The following SMCHD1 variants were observed in gnomAD, a reference collection of about 807,000 sequenced individuals.
The protein encoded by SMCHD1 is structural maintenance of chromosomes flexible hinge domain-containing protein 1.
SMCHD1 carries 78 observed loss-of-function variants against 254.7 expected under a neutral mutation model. The observed-to-expected ratio is 0.31, with a 90% confidence interval of 0.26 to 0.37. SMCHD1 has a LOEUF of 0.37. SMCHD1 is among the 10% of genes least tolerant of loss of function. The pLI is 1.00. For synonymous variants in SMCHD1, 766 were observed against 794.9 expected, an observed-to-expected ratio of 0.96 and a Z score of 0.61; for missense variants, 1,840 against 2,408.1, an observed-to-expected ratio of 0.76 and a Z score of 4.94.
intron 34 of SMCHD1, among the ~76,000 whole-genome samples, chr18:2,759,857 A>AC (rs1219276681): frequency 1.3e-5 from 2 of 152,148 alleles, no homozygotes; most frequent in African/African-American, 4.8e-5. Context: ...GGCATGAGCC[A>AC]CTGCGCCCAG....
chr18:2,802,579 GTCTCAGTAAGAATGCCCTGC>G lies in SMCHD1; in HGVS notation c.*29_*48del. On this transcript the variant is annotated 3_prime_UTR_variant, in exon 48 of 48. Transcript: ENST00000320876. ...AGGTGACAGAGAGAAGAGGCCATTGGTCTCAGTAAGAATGCCCTGCTTTCTGCATCTCTGTTTCAGAAGAC... is the reference window on the plus strand; with the variant it reads ...AGGTGACAGAGAGAAGAGGCCATTGGTTTCTGCATCTCTGTTTCAGAAGAC... 1 of 1,545,248 alleles carries G rather than the reference GTCTCAGTAAGAATGCCCTGC, an allele frequency of 6.5e-7. No individual in the cohort carries two copies. The highest frequency in any genetic ancestry group is 2.0e-5 in the Admixed American group (1 of 50,282).
rs778913600 is a variant in SMCHD1, at chr18:2,666,240, AAC to A, written c.262+10_262+11del. On this transcript the variant is annotated intron_variant, in intron 2 of 47. Coordinates refer to ENST00000320876, the MANE Select transcript of SMCHD1 (RefSeq NM_015295.3). ...TTACCTGTGATAATTTTGGTAGGTA[AAC>A]AGTGTTACTAAGTTGATGCTTTTAT... 7 of 1,376,660 alleles carry A rather than the reference AAC, an allele frequency of 5.1e-6. No individual in the cohort carries two copies. The South Asian group carries it at 8.7e-5, about 17-fold the overall frequency. The allele number at this position is 1,376,660 out of a possible 1,614,324, so 85.3% of individuals were successfully genotyped here. A position where few individuals can be genotyped will look rare whatever the true frequency, so the allele number is the denominator to read the frequency against.
intron 1 of SMCHD1, among the ~76,000 whole-genome samples, chr18:2,663,867 A>G (rs1017830979): frequency 3.3e-5 from 5 of 152,030 alleles, no homozygotes; most frequent in Non-Finnish European, 7.4e-5. Flanking sequence ...GGCGCCTGCC[A>G]CCACGCCTGG....
At chr18:2,712,249 G>A (rs1293354994) in intron 17 of SMCHD1, among the ~76,000 whole-genome samples, 2 of 122,794 alleles carry the variant, frequency 1.6e-5, no homozygotes, top group African/African-American at 6.3e-5. Flanking sequence ...TTTTTTTGAT[G>A]TCTGTGTCTG....
At chr18:2,692,017 G>A (rs915074532) in intron 7 of SMCHD1, 5 of 152,218 alleles carry the variant, frequency 3.3e-5, no homozygotes, top group African/African-American at 1.2e-4. Context: ...AATAGCCTCT[G>A]CTTCATTTTT....
chr18:2,661,902 A>C (rs2073269548), intron 1 of SMCHD1, among the ~76,000 whole-genome samples: 1 of 150,956 alleles, frequency 6.6e-6, no homozygotes, highest in African/African-American at 2.4e-5. Context: ...CACGCCTGTA[A>C]TCCCAGCACT....
At chr18:2,780,388 A>C (rs1019108396) in intron 44 of SMCHD1, among the ~76,000 whole-genome samples, 6 of 152,164 alleles carry the variant, frequency 3.9e-5, no homozygotes, top group Non-Finnish European at 8.8e-5. Flanking sequence ...CCTAATATTA[A>C]GTATAATACA....
At chr18:2,672,710 C>T (rs571975979) in intron 3 of SMCHD1, among the ~76,000 whole-genome samples, 2 of 152,260 alleles carry the variant, frequency 1.3e-5, no homozygotes, top group East Asian at 1.9e-4. Context: ...TTGAATGTCA[C>T]GTTGGTGGTG....
chr18:2,795,867 C>T (rs1426558194), intron 45 of SMCHD1, 82 bp from the exon 46 acceptor site: 1 of 1,181,762 alleles, frequency 8.5e-7, no homozygotes, highest in East Asian at 2.7e-5. Flanking sequence ...ACACAAATTC[C>T]AGTGTTGCTC....
chr18:2,724,987 C>G lies in SMCHD1; in HGVS notation c.2692C>G (p.Gln898Glu). Residue 898 changes from glutamine to glutamate, a missense_variant, in exon 21 of 48, where the codon CAA becomes GAA. Coordinates refer to ENST00000320876, the MANE Select transcript of SMCHD1 (RefSeq NM_015295.3). The part of the protein sequence containing the change: ...VTAKGPVNSC[Q>E]GKNYNLKVTL... ...AGCCAAGGGCCCTGTAAACTCTTGT[C>G]AAGGCAAGGTAAGCATTATGTATAG... The G allele has an allele frequency of 6.4e-7, 1 of 1,570,806 alleles. No individual in the cohort carries two copies. The highest frequency in any genetic ancestry group is 1.3e-5 in the African/African-American group (1 of 74,376).
chr18:2,722,416 A>C (rs527855596), intron 19 of SMCHD1, 103 bp from the exon 20 acceptor site: 11 of 957,648 alleles, frequency 1.1e-5, no homozygotes, highest in Non-Finnish European at 1.7e-5. Context: ...AGTCTAAAAT[A>C]GATTTCTAAA....
chr18:2,666,070 C>T lies in SMCHD1; in HGVS notation c.187-87C>T, dbSNP rs188202831. ...GTAGTGGTTACAGAATTATAATGTA[C>T]TATCAATATTTTCATATTTTTATAA... is the stretch of plus-strand genomic sequence containing the variant. On this transcript the variant is annotated intron_variant, in intron 1 of 47. Coordinates refer to ENST00000320876, the MANE Select transcript of SMCHD1 (RefSeq NM_015295.3). 196 of 633,652 alleles carry T rather than the reference C, an allele frequency of 3.1e-4. 1 individual carries two copies. The East Asian group carries it at 5.7e-3, about 19-fold the overall frequency. 39.3% of individuals were successfully genotyped at this position (633,652 alleles called of 1,614,324 possible).
At chr18:2,767,201 T>A (rs2143718168) in intron 37 of SMCHD1, among the ~76,000 whole-genome samples, 1 of 151,030 alleles carries the variant, frequency 6.6e-6, no homozygotes, top group Middle Eastern at 3.4e-3. Flanking sequence ...GAGACTGCAG[T>A]GAGCCATGAT....
chr18:2,752,653 A>C (rs2075596826), intron 34 of SMCHD1, 101 bp downstream of exon 34: 3 of 719,892 alleles, frequency 4.2e-6, no homozygotes, highest in Non-Finnish European at 6.8e-6. Context: ...GTAATTTATG[A>C]TCAAATAGAA....
At chr18:2,792,693 T>C (rs547896097) in intron 45 of SMCHD1, among the ~76,000 whole-genome samples, 10 of 152,368 alleles carry the variant, frequency 6.6e-5, no homozygotes, top group African/African-American at 2.2e-4. Context: ...TCTTATACTT[T>C]ATTGCTTTCA....
chr18:2,709,639 G>C (rs1480460748), intron 17 of SMCHD1, among the ~76,000 whole-genome samples: 1 of 151,974 alleles, frequency 6.6e-6, no homozygotes, highest in Non-Finnish European at 1.5e-5. Context: ...GATAATTGTG[G>C]TTTTGATTTG....
intron 5 of SMCHD1, among the ~76,000 whole-genome samples, chr18:2,680,728 C>T (rs1420830328): frequency 6.6e-6 from 1 of 152,158 alleles, no homozygotes; most frequent in Non-Finnish European, 1.5e-5. Context: ...CTCGCATTTC[C>T]CAGCTTTTCC....
At chr18:2,801,727 CTA>C (rs1598467419) in intron 47 of SMCHD1, among the ~76,000 whole-genome samples, 1 of 152,068 alleles carries the variant, frequency 6.6e-6, no homozygotes, top group Non-Finnish European at 1.5e-5. Context: ...AGATCACATA[CTA>C]TGTTTCATCA....
chr18:2,783,942 G>C lies in SMCHD1; in HGVS notation c.5548-508G>C, dbSNP rs1032850506. ...ACTTCAGTTTTTCTACATTATTTCA[G>C]TTCCCCTAACTCTCAAATTATCACC... On this transcript the variant is annotated intron_variant, in intron 44 of 47. Coordinates refer to ENST00000320876, the MANE Select transcript of SMCHD1 (RefSeq NM_015295.3). Among the ~76,000 whole-genome samples, 3 of 152,040 alleles carry C rather than the reference G, an allele frequency of 2.0e-5. No homozygotes were observed. The East Asian group carries it at 5.8e-4, about 29-fold the overall frequency.
Sources: gnomAD v4.1 joint callset for allele counts (sites outside exome capture counted in the v4.1 genomes callset) on GRCh38, gnomAD v4.1.1 for gene constraint, MANE v1.5 for transcripts, NCBI Gene and HGNC (gene_info 2026-07-23, HGNC 2026-07-21) for gene names.